Variants in SNTG1 observed in about 807,000 individuals in gnomAD.
The protein encoded by SNTG1 is gamma-1-syntrophin.
In SNTG1, 39 loss-of-function variants were observed where a neutral mutation model predicts 74.7. The observed-to-expected ratio is 0.52, with a 90% CI of 0.40 to 0.68. The LOEUF (loss-of-function observed/expected upper bound fraction) is 0.68. Ranked by LOEUF, SNTG1 falls within the 30% of genes least tolerant of loss-of-function variation. The pLI is 0.00. For missense variants in SNTG1, 685 were observed against 609.5 expected (o/e 1.12, Z -1.30); for synonymous variants, 254 against 217.1 (o/e 1.17, Z -1.49).
chr8:50,793,745 C>T lies in SNTG1; in HGVS notation c.*916C>T, dbSNP rs1000690703. The T allele has an allele frequency of 2.6e-5, 4 of 151,464 alleles. No individual in the cohort carries two copies. The highest frequency in any genetic ancestry group is 6.6e-5 in the Admixed American group (1 of 15,138). 9.4% of individuals were successfully genotyped at this position (151,464 alleles called of 1,614,324 possible). A position where few individuals can be genotyped will look rare whatever the true frequency, so the allele number is the denominator to read the frequency against. ...GTGTGAGAAACAATTCTTTGTAATCCGAAGTCTACTAGTTAATCATGAACT... is the reference window on the plus strand; with the variant it reads ...GTGTGAGAAACAATTCTTTGTAATCTGAAGTCTACTAGTTAATCATGAACT... On this transcript the variant is annotated 3_prime_UTR_variant, in exon 19 of 19. Coordinates refer to ENST00000642720, the MANE Select transcript of SNTG1 (RefSeq NM_018967.5).
chr8:50,639,477 A>C (rs548866509), intron 13 of SNTG1, among the ~76,000 whole-genome samples: 1 of 152,158 alleles, frequency 6.6e-6, no homozygotes. Context: ...TATAAATTAA[A>C]AAGAACTATA....
rs1031508800 is a variant in SNTG1 at position 50,313,914 on chromosome 8, G to A, written c.-27-80298G>A. Reference sequence around the variant, plus strand: ...TCAGTGTGCATATCTGAAATACAAGGATTGTTTTTCTACATAACTAGCTTG... The same window carrying A: ...TCAGTGTGCATATCTGAAATACAAGAATTGTTTTTCTACATAACTAGCTTG... On this transcript the variant is annotated intron_variant, in intron 2 of 18. Coordinates refer to ENST00000642720, the MANE Select transcript of SNTG1 (RefSeq NM_018967.5). Among the ~76,000 whole-genome samples, 4 of 149,708 alleles carry A rather than the reference G, an allele frequency of 2.7e-5. 1 individual carries two copies. The highest frequency in any genetic ancestry group is 1.0e-4 in the African/African-American group (4 of 40,130).
At chr8:49,964,777 T>C (rs1244417094) in intron 1 of SNTG1, among the ~76,000 whole-genome samples, 1 of 152,202 alleles carries the variant, frequency 6.6e-6, no homozygotes, top group Non-Finnish European at 1.5e-5. Context: ...AGTTCCATGA[T>C]AGTAGGTATT....
intron 1 of SNTG1, among the ~76,000 whole-genome samples, chr8:50,006,477 C>G (rs550831753): frequency 6.6e-6 from 1 of 152,240 alleles, no homozygotes; most frequent in East Asian, 1.9e-4. Context: ...CAGTATAACA[C>G]ATACTTTTTA....
intron 2 of SNTG1, among the ~76,000 whole-genome samples, chr8:50,338,252 G>A (rs911522661): frequency 4.6e-5 from 7 of 152,034 alleles, no homozygotes; most frequent in South Asian, 4.1e-4. Context: ...GGAAACTTCC[G>A]GCATCTACAG....
At chr8:50,367,453 C>A (rs1051716314) in intron 2 of SNTG1, among the ~76,000 whole-genome samples, 9 of 151,772 alleles carry the variant, frequency 5.9e-5, no homozygotes, top group Admixed American at 3.3e-4. Context: ...AGATTTTAAC[C>A]CTGCATATAA....
intron 2 of SNTG1, among the ~76,000 whole-genome samples, chr8:50,181,840 T>G (rs565700669): frequency 6.6e-6 from 1 of 152,302 alleles, no homozygotes; most frequent in Admixed American, 6.5e-5. Flanking sequence ...ATATTATTTC[T>G]TAATATGTAG....
rs758017223 is a variant in SNTG1, at chr8:50,704,731, T to A, written c.1170T>A (p.Phe390Leu). The A allele has an allele frequency of 1.2e-6, 2 of 1,614,046 alleles. No homozygotes were observed. The highest frequency in any genetic ancestry group is 8.5e-7 in the Non-Finnish European group (1 of 1,179,990). The change falls in exon 16 of 19, where the codon TTT becomes TTA. Residue 390 changes from phenylalanine (F) to leucine (L), a missense_variant. By Grantham distance (22) the Phe-to-Leu change is conservative. Transcript: ENST00000642720. ...AAAGAGCCTTCCAGACAGCAACCTT[T>A]CTAGAAGTAGAACGGATACAGGTGA... is the stretch of plus-strand genomic sequence containing the variant. ...QWERAFQTAT[F>L]LEVERIQCKT...
At chr8:50,403,046 G>A (rs1280662253) in intron 4 of SNTG1, among the ~76,000 whole-genome samples, 9 of 152,148 alleles carry the variant, frequency 5.9e-5, no homozygotes, top group Non-Finnish European at 2.9e-5. Context: ...ATCATAAGAC[G>A]AGTTCTGGAG....
chr8:50,499,617 C>A (rs1027564401), intron 8 of SNTG1, among the ~76,000 whole-genome samples: 21 of 151,332 alleles, frequency 1.4e-4, no homozygotes, highest in Non-Finnish European at 2.4e-4. Flanking sequence ...AAACTTAGGT[C>A]GTTAAGGCCT....
intron 1 of SNTG1, among the ~76,000 whole-genome samples, chr8:50,028,358 T>G (rs1031649429): frequency 6.6e-6 from 1 of 152,052 alleles, no homozygotes; most frequent in Admixed American, 6.5e-5. Flanking sequence ...TTAACCACTG[T>G]TTTTTTCCCA....
intron 1 of SNTG1, among the ~76,000 whole-genome samples, chr8:50,005,530 A>G (rs1295399097): frequency 2.0e-5 from 3 of 152,164 alleles, no homozygotes; most frequent in Admixed American, 6.5e-5. Context: ...TATTTGTTAA[A>G]TAGAATTTAA....
chr8:50,758,088 T>C (rs1433227335), intron 18 of SNTG1, among the ~76,000 whole-genome samples: 2 of 151,930 alleles, frequency 1.3e-5, no homozygotes, highest in Non-Finnish European at 2.9e-5. Flanking sequence ...ATAAATAACA[T>C]TTCATTTGTT....
intron 17 of SNTG1, among the ~76,000 whole-genome samples, chr8:50,713,444 C>T (rs2095467338): frequency 6.6e-6 from 1 of 152,178 alleles, no homozygotes; most frequent in South Asian, 2.1e-4. Context: ...TTCTCCCATT[C>T]TATAGGTTGC....
At chr8:50,601,187 CAT>C (rs1465720810) in intron 13 of SNTG1, among the ~76,000 whole-genome samples, 11 of 83,586 alleles carry the variant, frequency 1.3e-4, no homozygotes, top group African/African-American at 7.9e-4. Flanking sequence ...AAAAAAAAGA[CAT>C]GTTAGGCTAT....
rs745592768 is a variant in SNTG1 at position 50,381,451 on chromosome 8, TAA to T, written c.-27-12760_-27-12759del. Among the ~76,000 whole-genome samples the T allele has an allele frequency of 6.2e-4, 94 of 150,420 alleles. 1 individual carries two copies. The highest frequency in any genetic ancestry group is 1.1e-3 in the Non-Finnish European group (77 of 67,718). On this transcript the variant is annotated intron_variant, in intron 2 of 18. Coordinates refer to ENST00000642720, the MANE Select transcript of SNTG1 (RefSeq NM_018967.5). ...AGATGAATGTGTCTCCAGAGAAAAATAAGTTTTGTTGTTGGAAAAAAAATCTA... is the reference window on the plus strand; with the variant it reads ...AGATGAATGTGTCTCCAGAGAAAAATGTTTTGTTGTTGGAAAAAAAATCTA...
intron 17 of SNTG1, among the ~76,000 whole-genome samples, chr8:50,726,011 A>T (rs1191691139): frequency 1.3e-5 from 2 of 152,186 alleles, no homozygotes; most frequent in African/African-American, 4.8e-5. Flanking sequence ...CTCAGGTTAT[A>T]ACACAATAAT....
At chr8:50,280,531 G>C (rs1244176439) in intron 2 of SNTG1, among the ~76,000 whole-genome samples, 1 of 152,172 alleles carries the variant, frequency 6.6e-6, no homozygotes, top group Non-Finnish European at 1.5e-5. Flanking sequence ...AATTGGTTTT[G>C]TATGTTTTAG....
intron 1 of SNTG1, among the ~76,000 whole-genome samples, chr8:50,052,662 T>G (rs1819676621): frequency 6.6e-6 from 1 of 152,140 alleles, no homozygotes; most frequent in African/African-American, 2.4e-5. Context: ...TATTTGTCAA[T>G]TACATTTCTA....
Sources: gnomAD v4.1 joint callset for allele counts (sites outside exome capture counted in the v4.1 genomes callset) on GRCh38, gnomAD v4.1.1 for gene constraint, MANE v1.5 for transcripts, NCBI Gene and HGNC (gene_info 2026-07-23, HGNC 2026-07-21) for gene names.